The following ZNF69 variants were observed in gnomAD, a reference collection of about 807,000 sequenced individuals.
ZNF69 encodes ZNF3.
ZNF69 carries 47 observed loss-of-function variants against 50.9 expected under a neutral mutation model. That is an observed-to-expected ratio of 0.92 (90% CI 0.73 to 1.18). The LOEUF (loss-of-function observed/expected upper bound fraction) is 1.18, where lower values mean the gene tolerates loss of function less well. ZNF69 is among the 50% of genes most tolerant of loss of function. The pLI, the probability that ZNF69 is intolerant of heterozygous loss-of-function variation, is 0.00. For missense variants in ZNF69, 717 were observed against 675.1 expected (o/e 1.06, Z -0.69); for synonymous variants, 216 against 223.1 (o/e 0.97, Z 0.29).
the ZNF69 span, chr19:11,947,268 G>A: frequency 2.2e-5 from 35 of 1,614,082 alleles, no homozygotes; most frequent in African/African-American, 2.5e-4. Context: ...TCTCTTCAGG[G>A]AAGTGATGCT....
Position 11,904,675 on chromosome 19 carries a change from A to G in ZNF69, c.278A>G (p.Glu93Gly), listed in dbSNP as rs554646303. 2.5e-6 allele frequency: 4 copies of G among 1,612,856 alleles called. No homozygotes were observed. In the East Asian group the frequency reaches 8.9e-5, roughly 36 times the overall value. ...AGTCTCATAGAAAAGAAAGTCAATG[A>G]AATTAAAGATGACAGTCATTGTGGA... ...FRSLIEKKVN[E>G]IKDDSHCGET... The change falls in exon 4 of 4, where the codon GAA becomes GGA. Residue 93 changes from glutamate (E) to glycine (G), a missense_variant. Physicochemically the swap from Glu to Gly is moderately conservative, Grantham distance 98 (BLOSUM62 -2). Transcript: ENST00000429654.
rs574932364 is a variant in ZNF69 at position 11,892,524 on chromosome 19, G to A, written c.63+4538G>A. ...TGTAACCCCAGCACTTTGGGAGGCT[G>A]AGGCAGGTGGATGGCTTGATCTCAG... On this transcript the variant is annotated intron_variant, in intron 1 of 3. Transcript: ENST00000429654. 1.1e-4 allele frequency among the ~76,000 whole-genome samples: 17 copies of A among 152,208 alleles called. 1 individual carries two copies. The South Asian group carries it at 2.7e-3, about 24-fold the overall frequency.
At chr19:11,921,023 T>C in the ZNF69 span, among the ~76,000 whole-genome samples, 4 of 152,172 alleles carry the variant, frequency 2.6e-5, no homozygotes, top group South Asian at 2.1e-4. Context: ...ACTAACATGT[T>C]AATATGTCCA....
At chr19:11,907,387 T>C (rs555509352), downstream of ZNF69, among the ~76,000 whole-genome samples, 639 of 152,052 alleles carry the variant, frequency 4.2e-3, 2 homozygotes, top group African/African-American at 0.015. Context: ...TTCACCAAAG[T>C]TGAAATGAAG....
the ZNF69 span, chr19:11,978,186 C>T: frequency 4.3e-6 from 7 of 1,614,002 alleles, no homozygotes; most frequent in East Asian, 8.9e-5. Flanking sequence ...TACCCAGGTT[C>T]CAGATGACAG....
At chr19:11,896,003 C>A (rs549692884) in intron 1 of ZNF69, among the ~76,000 whole-genome samples, 296 of 151,882 alleles carry the variant, frequency 1.9e-3, no homozygotes, top group African/African-American at 6.9e-3. Flanking sequence ...GCGGAACACC[C>A]GAGGTCAGGA....
chr19:11,920,942 C>T, the ZNF69 span, among the ~76,000 whole-genome samples: 1 of 152,292 alleles, frequency 6.6e-6, no homozygotes, highest in African/African-American at 2.4e-5. Flanking sequence ...TTTTTACCCT[C>T]AGCAGCAGCT....
downstream of ZNF69, among the ~76,000 whole-genome samples, chr19:11,909,225 C>G (rs764431510): frequency 1.3e-5 from 2 of 152,192 alleles, no homozygotes; most frequent in Non-Finnish European, 1.5e-5. Flanking sequence ...GGATTCACAG[C>G]TGAATTCTAC....
the ZNF69 span, among the ~76,000 whole-genome samples, chr19:11,945,354 A>G: frequency 6.6e-6 from 1 of 152,220 alleles, no homozygotes. Context: ...TAGGCTGCAG[A>G]TGACCTGCTT....
chr19:11,952,523 T>C, the ZNF69 span, among the ~76,000 whole-genome samples: 1 of 152,198 alleles, frequency 6.6e-6, no homozygotes, highest in African/African-American at 2.4e-5. Context: ...TTTTATATAT[T>C]ATGCAATGGC....
chr19:11,904,310 G>C (rs952618183), intron 3 of ZNF69, among the ~76,000 whole-genome samples: 6 of 152,184 alleles, frequency 3.9e-5, no homozygotes, highest in African/African-American at 1.2e-4. Context: ...ACTTGAGCCA[G>C]TAAAGGCTGC....
chr19:11,892,687 C>T (rs1977125209), intron 1 of ZNF69, among the ~76,000 whole-genome samples: 1 of 152,178 alleles, frequency 6.6e-6, no homozygotes, highest in Non-Finnish European at 1.5e-5. Context: ...TTTTACAAAA[C>T]ACTATAGGTA....
intron 1 of ZNF69, among the ~76,000 whole-genome samples, chr19:11,896,254 G>A (rs1345868159): frequency 2.8e-5 from 4 of 141,600 alleles, no homozygotes; most frequent in African/African-American, 1.1e-4. Context: ...AGATTCCCTG[G>A]TTTCACAATT....
At chr19:11,903,384 G>A (rs1972288263) in intron 1 of ZNF69, among the ~76,000 whole-genome samples, 189 bp from the exon 2 acceptor site, 1 of 152,172 alleles carries the variant, frequency 6.6e-6, no homozygotes. Context: ...CTCCAGCCTG[G>A]GCAATAAGAG....
At chr19:11,948,623 G>C in the ZNF69 span, 1 of 1,611,516 alleles carries the variant, frequency 6.2e-7, no homozygotes, top group East Asian at 2.2e-5. Context: ...AAAGTCTGTG[G>C]AAAAACCTTT....
chr19:11,955,838 A>G, the ZNF69 span, among the ~76,000 whole-genome samples: 1 of 152,178 alleles, frequency 6.6e-6, no homozygotes, highest in African/African-American at 2.4e-5. Flanking sequence ...CTGGCTGGCA[A>G]CTGTTGTGAT....
chr19:11,968,988 A>G, the ZNF69 span, among the ~76,000 whole-genome samples: 2 of 152,240 alleles, frequency 1.3e-5, no homozygotes, highest in Admixed American at 6.5e-5. Context: ...CAGGGAAAGG[A>G]GGGTTCCAGC....
At chr19:11,933,745 T>C in the ZNF69 span, among the ~76,000 whole-genome samples, 1 of 147,262 alleles carries the variant, frequency 6.8e-6, no homozygotes, top group East Asian at 1.9e-4. Context: ...CTAAAAAAAA[T>C]TTTGTTTTTG....
the ZNF69 span, chr19:11,925,350 C>T: frequency 1.3e-6 from 2 of 1,585,624 alleles, no homozygotes; most frequent in East Asian, 2.3e-5. Flanking sequence ...GTGGCGGGAC[C>T]CGGGCCTCCC....
Sources: allele counts gnomAD v4.1 joint callset (sites outside exome capture counted in the v4.1 genomes callset), GRCh38; gene constraint gnomAD v4.1.1; transcripts MANE v1.5; gene names NCBI Gene and HGNC (gene_info 2026-07-23, HGNC 2026-07-21).